The following RSPH10B variants were observed in gnomAD, a reference collection of about 807,000 sequenced individuals.
RSPH10B encodes the protein radial spoke head 10 homolog B.
In RSPH10B, 7 loss-of-function variants were observed where a neutral mutation model predicts 52.5. The observed-to-expected ratio is 0.13, with a 90% CI of 0.08 to 0.25. The LOEUF (loss-of-function observed/expected upper bound fraction) is 0.25. Among genes scored for constraint, RSPH10B ranks in the 10% least tolerant of loss-of-function variants. The pLI, the probability that RSPH10B is intolerant of heterozygous loss-of-function variation, is 1.00. For synonymous variants in RSPH10B, 28 were observed against 193.2 expected (o/e 0.14, Z 7.09); for missense variants, 89 against 542.5 (o/e 0.16, Z 8.30).
chr7:5,940,169 C>G (rs1374473834), intron 13 of RSPH10B, among the ~76,000 whole-genome samples: 1 of 97,496 alleles, frequency 1.0e-5, no homozygotes, highest in Non-Finnish European at 2.4e-5. Flanking sequence ...CGCACTCCAG[C>G]CTGGGTGACA....
chr7:5,941,027 T>C (rs1780155971), intron 13 of RSPH10B, among the ~76,000 whole-genome samples: 1 of 75,726 alleles, frequency 1.3e-5, no homozygotes, highest in Non-Finnish European at 2.9e-5. Flanking sequence ...AAGGGCCAGG[T>C]GCAGTGGCTC....
At chr7:5,931,407 G>A (rs546467071) in intron 17 of RSPH10B, among the ~76,000 whole-genome samples, 10 of 151,574 alleles carry the variant, frequency 6.6e-5, no homozygotes, top group South Asian at 2.1e-4. Context: ...TTGAGTGGGC[G>A]GCCGGCCATA....
At chr7:5,957,797 C>T in intron 6 of RSPH10B, 110 bp downstream of exon 8, 1 of 1,457,208 alleles carries the variant, frequency 6.9e-7, no homozygotes. Flanking sequence ...GAGACTCTGT[C>T]TCAAAACAAA....
At chr7:5,941,777 ATAGT>A (rs1174032703) in intron 13 of RSPH10B, among the ~76,000 whole-genome samples, 5 of 141,472 alleles carry the variant, frequency 3.5e-5, no homozygotes, top group Non-Finnish European at 8.0e-5. Context: ...AAAACAACCA[ATAGT>A]TAGTATGAGA....
intron 13 of RSPH10B, among the ~76,000 whole-genome samples, chr7:5,942,265 T>G (rs912568518): frequency 2.9e-5 from 4 of 139,560 alleles, no homozygotes; most frequent in Non-Finnish European, 6.3e-5. Context: ...CCTTTTTTGT[T>G]TTTTGGGGGA....
chr7:5,958,799 T>C (rs1365179257), intron 5 of RSPH10B, among the ~76,000 whole-genome samples, 194 bp downstream of exon 7: 2 of 138,728 alleles, frequency 1.4e-5, no homozygotes, highest in African/African-American at 2.7e-5. Context: ...TGAGCTGAGA[T>C]GGCACCACTG....
At chr7:5,960,383 C>A (rs62454735) in intron 4 of RSPH10B, among the ~76,000 whole-genome samples, 15,654 of 48,494 alleles carry the variant, frequency 0.32, 3,751 homozygotes, top group Middle Eastern at 0.49. Context: ...ATTGCACTCC[C>A]GCCTGGGCGA....
At chr7:5,931,442 AG>A (rs1212786623) in intron 17 of RSPH10B, among the ~76,000 whole-genome samples, 1 of 151,450 alleles carries the variant, frequency 6.6e-6, no homozygotes, top group Non-Finnish European at 1.5e-5. Flanking sequence ...GAAAAGGGGG[AG>A]GGCCAGGCGC....
At chr7:5,928,627 CTTTTTTGTTTTTT>C (rs1779654046) in intron 17 of RSPH10B, among the ~76,000 whole-genome samples, 1 of 135,108 alleles carries the variant, frequency 7.4e-6, no homozygotes, top group Non-Finnish European at 1.6e-5. Flanking sequence ...CTCGTTTTTT[CTTTTTTGTTTTTT>C]TTTTTTTTGG....
In RSPH10B at chr7:5,928,466, T is replaced by C; in HGVS notation, c.2234-72A>G. On this transcript the variant is annotated intron_variant, in intron 17 of 18. Coordinates refer to ENST00000337579, the Ensembl canonical transcript of RSPH10B. The stretch of plus-strand genomic sequence containing the variant: ...CAATTGGGGGTCTGCGTGCTTTTTC[T>C]CGTTCTAGCCTCCCTGGGGTGGGCC... The C allele has an allele frequency of 2.5e-6, 4 of 1,574,678 alleles. No homozygotes were observed. The Admixed American group carries it at 6.7e-5, about 26-fold the overall frequency.
intron 18 of RSPH10B, among the ~76,000 whole-genome samples, chr7:5,927,091 T>TGTGTGA (rs1779525747): frequency 6.9e-6 from 1 of 145,818 alleles, no homozygotes; most frequent in Non-Finnish European, 1.5e-5. Flanking sequence ...TGTGTGTGTG[T>TGTGTGA]GTGTGTATTT....
rs1238133628 is a variant in RSPH10B at position 5,957,821 on chromosome 7, A to C, written c.780+86T>G. 283 of 1,477,808 alleles carry C rather than the reference A, an allele frequency of 1.9e-4. 20 individuals carry two copies. The highest frequency in any genetic ancestry group is 2.4e-4 in the Non-Finnish European group (267 of 1,122,546). 91.5% of individuals were successfully genotyped at this position (1,477,808 alleles called of 1,614,324 possible). Reference sequence around the variant, plus strand: ...TCTCAAAACAAAAACAAAAACAAAAACAAAACCCAAAAAGAAATATACATG... The same window carrying C: ...TCTCAAAACAAAAACAAAAACAAAACCAAAACCCAAAAAGAAATATACATG... On this transcript the variant is annotated intron_variant, in intron 6 of 18. Transcript: ENST00000337579.
chr7:5,956,771 A>G, intron 6 of RSPH10B, among the ~76,000 whole-genome samples: 1 of 125,014 alleles, frequency 8.0e-6, no homozygotes, highest in East Asian at 2.7e-4. Context: ...GTTTCACCAT[A>G]TCACCCAGGC....
At chr7:5,929,091 C>T (rs1384978312) in intron 17 of RSPH10B, among the ~76,000 whole-genome samples, 1 of 146,758 alleles carries the variant, frequency 6.8e-6, no homozygotes, top group East Asian at 2.2e-4. Flanking sequence ...TCACTGAAGC[C>T]TGGAGGAACT....
In RSPH10B at chr7:5,927,704, A is replaced by G. The variant is rs374394034; in HGVS notation, c.2432+492T>C. On this transcript the variant is annotated intron_variant, in intron 18 of 18. Coordinates refer to ENST00000337579, the Ensembl canonical transcript of RSPH10B. Reference sequence around the variant, plus strand: ...TGACCCCAGCACTTTGGGAGGCCAAAGCTGGCAGATCACTTGAGGTCAGGA... The same window carrying G: ...TGACCCCAGCACTTTGGGAGGCCAAGGCTGGCAGATCACTTGAGGTCAGGA... 6.1e-3 allele frequency among the ~76,000 whole-genome samples: 881 copies of G among 143,610 alleles called. 3 individuals carry two copies. The highest frequency in any genetic ancestry group is 7.9e-3 in the Non-Finnish European group (522 of 66,364). 94.2% of individuals were successfully genotyped at this position (143,610 alleles called of 152,430 possible).
intron 12 of RSPH10B, among the ~76,000 whole-genome samples, chr7:5,943,707 C>A (rs1780335660): frequency 6.6e-6 from 1 of 150,410 alleles, no homozygotes; most frequent in Non-Finnish European, 1.5e-5. Context: ...CCATACCTGG[C>A]TAATTTTTTT....
At chr7:5,927,086 G>GTGTGTATATATATA (rs1779524091) in intron 18 of RSPH10B, among the ~76,000 whole-genome samples, 126 of 68,510 alleles carry the variant, frequency 1.8e-3, no homozygotes, top group Middle Eastern at 8.1e-3. Context: ...GTGTGTGTGT[G>GTGTGTATATATATA]TGTGTGTGTG....
chr7:5,956,268 G>A (rs1583240457), intron 6 of RSPH10B, 87 bp from the exon 9 acceptor site: 1 of 3,388 alleles, frequency 3.0e-4, no homozygotes, highest in East Asian at 3.6e-3. Flanking sequence ...TAAATACAAT[G>A]AAAACTGGAA....
Position 5,938,446 on chromosome 7 carries a change from C to T in RSPH10B, c.1866+276G>A, listed in dbSNP as rs1365588996. Among the ~76,000 whole-genome samples the T allele has an allele frequency of 5.2e-4, 55 of 106,656 alleles. No homozygotes were observed. The East Asian group carries it at 6.3e-3, about 12-fold the overall frequency. 70.0% of individuals were successfully genotyped at this position (106,656 alleles called of 152,430 possible). ...AAAAAAAATTAGCCGGGCGTGGTGG[C>T]GGGCGCCTGTAGTCTCAGCTACTCG... On this transcript the variant is annotated intron_variant, in intron 14 of 18. Coordinates refer to ENST00000337579, the Ensembl canonical transcript of RSPH10B.
Sources: gnomAD v4.1 joint callset for allele counts (sites outside exome capture counted in the v4.1 genomes callset) on GRCh38, gnomAD v4.1.1 for gene constraint, MANE v1.5 for transcripts, NCBI Gene and HGNC (gene_info 2026-07-23, HGNC 2026-07-21) for gene names.